Variants in ADRA1A observed in about 807,000 individuals in gnomAD.
ADRA1A encodes alpha-1A adrenergic receptor.
In ADRA1A, 31 loss-of-function variants were observed where a neutral mutation model predicts 29.6. That is an observed-to-expected ratio of 1.05 (90% confidence interval 0.79 to 1.41). ADRA1A has a LOEUF of 1.41. Among genes scored for constraint, ADRA1A ranks in the 40% most tolerant of loss-of-function variants. The pLI is 0.00. For synonymous variants in ADRA1A, 311 were observed against 254.3 expected (o/e 1.22, Z -2.12); for missense variants, 619 against 601.1 (o/e 1.03, Z -0.31).
chr8:26,784,850 G>A (rs1041931306), intron 2 of ADRA1A, among the ~76,000 whole-genome samples: 1 of 152,206 alleles, frequency 6.6e-6, no homozygotes, highest in Non-Finnish European at 1.5e-5. Flanking sequence ...ACCGATGGCT[G>A]AAAGCTATAG....
chr8:26,804,959 T>C (rs1013878367), intron 2 of ADRA1A, among the ~76,000 whole-genome samples: 15 of 152,152 alleles, frequency 9.9e-5, no homozygotes, highest in Non-Finnish European at 1.9e-4. Context: ...AGCTTCGGAG[T>C]CAGTCTCTCT....
chr8:26,851,268 CAGAG>C (rs1812610095), intron 2 of ADRA1A, among the ~76,000 whole-genome samples: 2 of 152,164 alleles, frequency 1.3e-5, no homozygotes, highest in African/African-American at 4.8e-5. Flanking sequence ...GGTGGAGTAA[CAGAG>C]AGAACTGAAG....
At chr8:26,782,444 C>T (rs1300062607) in intron 2 of ADRA1A, among the ~76,000 whole-genome samples, 1 of 152,194 alleles carries the variant, frequency 6.6e-6, no homozygotes, top group Non-Finnish European at 1.5e-5. Context: ...GGGCAATTTC[C>T]TCTTTAATTT....
At position 26,866,102 on chromosome 8, in the gene ADRA1A, G is replaced by A. The variant is rs1813889706; in HGVS notation, c.-686-447C>T. 6.6e-6 allele frequency among the ~76,000 whole-genome samples: 1 copy of A among 152,132 alleles called. No individual in the cohort carries two copies. The highest frequency in any genetic ancestry group is 6.5e-5 in the Admixed American group (1 of 15,282). ...GGTTGCCTCGCAGTCACCTGGAGGG[G>A]GCGGCCTGGGAGAGGGAACAGCTGC... On this transcript the variant is annotated intron_variant, in intron 1 of 2. Transcript: ENST00000380573. This position sits in a 1 kb window ranked among gnomAD's most constrained non-coding sequence, Gnocchi z 5.7.
rs538291679 is a variant in ADRA1A at position 26,838,103 on chromosome 8, G to A, written c.883+25984C>T. Reference sequence around the variant, plus strand: ...AGCCAAGTAGTTGAGTACAAACCAGGACAGGCGTTTAATGATACAGATGTT... The same window carrying A: ...AGCCAAGTAGTTGAGTACAAACCAGAACAGGCGTTTAATGATACAGATGTT... On this transcript the variant is annotated intron_variant, in intron 2 of 2. Coordinates refer to ENST00000380573, the MANE Select transcript of ADRA1A (RefSeq NM_000680.4). 2.0e-5 allele frequency among the ~76,000 whole-genome samples: 3 copies of A among 152,276 alleles called. No individual in the cohort carries two copies. In the South Asian group the frequency reaches 6.2e-4, roughly 32 times the overall value.
intron 2 of ADRA1A, among the ~76,000 whole-genome samples, chr8:26,830,439 C>T (rs1810892010): frequency 6.6e-6 from 1 of 152,140 alleles, no homozygotes; most frequent in Non-Finnish European, 1.5e-5. Context: ...TCAAGACTCC[C>T]TTGTTCGTTC....
At chr8:26,842,866 TACACACACACACACACACACAC>T (rs57750998) in intron 2 of ADRA1A, among the ~76,000 whole-genome samples, 1 of 142,648 alleles carries the variant, frequency 7.0e-6, no homozygotes, top group Non-Finnish European at 1.5e-5. Context: ...TCTCTCTTTC[TACACACACACACACACACACAC>T]ACACACACAC....
rs1404956071 is a variant in ADRA1A at position 26,769,691 on chromosome 8, C to G, written c.*458G>C. On this transcript the variant is annotated 3_prime_UTR_variant, in exon 3 of 3. Transcript: ENST00000380573. ...GCCACCATCTTAATGCTCTTCCTCT[C>G]TAGGCCCTCTCCCCATAAATGTCAA... 1.0e-6 allele frequency: 1 copy of G among 987,388 alleles called. No homozygotes were observed. The highest frequency in any genetic ancestry group is 1.2e-6 in the Non-Finnish European group (1 of 831,404). The allele number at this position is 987,388 out of a possible 1,614,324, so 61.2% of individuals were successfully genotyped here.
downstream of ADRA1A, among the ~76,000 whole-genome samples, chr8:26,761,934 C>A (rs1399444079): frequency 6.6e-6 from 1 of 152,146 alleles, no homozygotes; most frequent in Non-Finnish European, 1.5e-5. Flanking sequence ...ACACCCTTTG[C>A]CTGGTTGACA....
chr8:26,773,070 G>A (rs1806292543), intron 2 of ADRA1A, among the ~76,000 whole-genome samples: 2 of 152,190 alleles, frequency 1.3e-5, no homozygotes, highest in African/African-American at 2.4e-5. Context: ...AGAGTTATGT[G>A]ACTCTTCCCT....
chr8:26,813,219 CTTCT>C (rs1809536370), intron 2 of ADRA1A, among the ~76,000 whole-genome samples: 1 of 152,054 alleles, frequency 6.6e-6, no homozygotes, highest in African/African-American at 2.4e-5. Context: ...TATTTGCTTC[CTTCT>C]ATTACAAACA....
At chr8:26,833,551 C>A (rs1419576781) in intron 2 of ADRA1A, among the ~76,000 whole-genome samples, 4 of 152,214 alleles carry the variant, frequency 2.6e-5, no homozygotes, top group South Asian at 2.1e-4. Flanking sequence ...AACTAAGAAG[C>A]TCAGCAATGA....
chr8:26,791,623 A>C (rs1807841295), intron 2 of ADRA1A, among the ~76,000 whole-genome samples: 2 of 152,130 alleles, frequency 1.3e-5, no homozygotes, highest in Admixed American at 6.6e-5. Flanking sequence ...CATTCTTGCC[A>C]AAGACTACAA....
intron 2 of ADRA1A, among the ~76,000 whole-genome samples, chr8:26,849,649 T>C (rs1812466486): frequency 6.6e-6 from 1 of 152,130 alleles, no homozygotes; most frequent in Non-Finnish European, 1.5e-5. Flanking sequence ...ACAAAGCCCA[T>C]TTCAAATTTT....
intron 2 of ADRA1A, among the ~76,000 whole-genome samples, chr8:26,798,309 G>A (rs572409168): frequency 1.3e-5 from 2 of 152,146 alleles, no homozygotes; most frequent in Non-Finnish European, 2.9e-5. Flanking sequence ...GATGTTCCAA[G>A]TGATTTGCTC....
rs368376563 is a variant in ADRA1A at position 26,778,943 on chromosome 8, TA to T, written c.884-8278del. 1,431 of 146,158 alleles carry T rather than the reference TA, an allele frequency of 9.8e-3. 24 individuals carry two copies. Among genetic ancestry groups the T allele is most frequent in the African/African-American group, 0.035 (1,308 of 36,856 alleles). The allele number at this position is 146,158 out of a possible 1,614,324, so 9.1% of individuals were successfully genotyped here. ...ATGTACCCTAGAACTTAAAGTATAA[TA>T]AAAAAAATATATATATATATAAATT... On this transcript the variant is annotated intron_variant, in intron 2 of 2. Transcript: ENST00000380573.
chr8:26,817,790 A>G (rs1465160516), intron 2 of ADRA1A, among the ~76,000 whole-genome samples: 1 of 152,168 alleles, frequency 6.6e-6, no homozygotes, highest in East Asian at 1.9e-4. Context: ...GTAAACAAAA[A>G]CAAAAACAAA....
chr8:26,841,430 T>C lies in ADRA1A; in HGVS notation c.883+22657A>G, dbSNP rs1048611811. ...TGTGAAGGCATCGGGCTTTCCCAGA[T>C]ATCCTTTGCATTCAAATCCTCTCAA... On this transcript the variant is annotated intron_variant, in intron 2 of 2. Transcript: ENST00000380573. The surrounding 1 kb of genome is among the most constrained non-coding windows in gnomAD (Gnocchi z 4.4). 2.0e-5 allele frequency among the ~76,000 whole-genome samples: 3 copies of C among 152,224 alleles called. No individual in the cohort carries two copies. The highest frequency in any genetic ancestry group is 4.4e-5 in the Non-Finnish European group (3 of 68,030).
intron 2 of ADRA1A, among the ~76,000 whole-genome samples, chr8:26,846,406 G>C (rs1812201841): frequency 6.6e-6 from 1 of 152,214 alleles, no homozygotes; most frequent in Non-Finnish European, 1.5e-5. Context: ...TGGAACATTC[G>C]GCAGCACCCC....
Sources: gnomAD v4.1 joint callset for allele counts (sites outside exome capture counted in the v4.1 genomes callset) on GRCh38, gnomAD v4.1.1 for gene constraint, Gnocchi (gnomAD v3.1) non-coding constraint, MANE v1.5 for transcripts, NCBI Gene and HGNC (gene_info 2026-07-23, HGNC 2026-07-21) for gene names.